The following PKP2 variants were observed in gnomAD, a reference collection of about 807,000 sequenced individuals.
PKP2 encodes the protein plakophilin 2.
Under a neutral mutation model 83.4 loss-of-function variants are expected in PKP2, and 73 were observed. That is an observed-to-expected ratio of 0.88 (90% CI 0.72 to 1.06). The LOEUF (loss-of-function observed/expected upper bound fraction) is 1.06. Ranked by LOEUF, PKP2 falls within the 50% of genes least tolerant of loss-of-function variation. The pLI, the probability that PKP2 is intolerant of heterozygous loss-of-function variation, is 0.00. For synonymous variants in PKP2, 409 were observed against 430.4 expected (o/e 0.95, Z 0.62); for missense variants, 966 against 1,065.4 (o/e 0.91, Z 1.30).
At position 32,886,300 on chromosome 12, in the gene PKP2, A is replaced by G. The variant is rs912670023; in HGVS notation, c.224-7268T>C. Among the ~76,000 whole-genome samples, 11 of 152,222 alleles carry G rather than the reference A, an allele frequency of 7.2e-5. No homozygotes were observed. In the East Asian group the frequency reaches 9.6e-4, roughly 13 times the overall value. ...AATCTTAAAAGATTTAACTTCTCCC[A>G]TTACAGTAAAGTTGAGGACATGTTA... On this transcript the variant is annotated intron_variant, in intron 1 of 12. Transcript: ENST00000340811.
intron 10 of PKP2, among the ~76,000 whole-genome samples, chr12:32,797,444 T>TGAAAAAAAAA (rs1956136670): frequency 2.0e-4 from 1 of 5,040 alleles, no homozygotes; most frequent in Non-Finnish European, 9.7e-4. Context: ...AGACCCTGTC[T>TGAAAAAAAAA]CAAAAAAAAA....
chr12:32,828,676 G>T (rs986896485), intron 6 of PKP2, among the ~76,000 whole-genome samples: 1 of 152,168 alleles, frequency 6.6e-6, no homozygotes, highest in African/African-American at 2.4e-5. Flanking sequence ...CTGTGGCTAT[G>T]TGCAGGGGTG....
chr12:32,824,237 T>C lies in PKP2; in HGVS notation c.1557-75A>G, dbSNP rs1480056607. On this transcript the variant is annotated intron_variant, in intron 6 of 12. Coordinates refer to ENST00000340811, the MANE Select transcript of PKP2 (RefSeq NM_001005242.3). ...ACAGGTCTTTGTTTTGAAGTTTTAC[T>C]TGATGCTTCTTCCAGGTGTTTGGAA... 5 of 1,001,866 alleles carry C rather than the reference T, an allele frequency of 5.0e-6. No homozygotes were observed. In the Admixed American group the frequency reaches 8.5e-5, roughly 17 times the overall value. The allele number at this position is 1,001,866 out of a possible 1,614,324, so 62.1% of individuals were successfully genotyped here. A position where few individuals can be genotyped will look rare whatever the true frequency, so the allele number is the denominator to read the frequency against.
Position 32,865,643 on chromosome 12 carries a change from G to A in PKP2, c.1170+3284C>T, listed in dbSNP as rs527960873. Among the ~76,000 whole-genome samples the A allele has an allele frequency of 4.3e-3, 594 of 136,604 alleles. 6 individuals carry two copies. The highest frequency in any genetic ancestry group is 0.016 in the African/African-American group (523 of 33,586). 89.6% of individuals were successfully genotyped at this position (136,604 alleles called of 152,430 possible). A position where few individuals can be genotyped will look rare whatever the true frequency, so the allele number is the denominator to read the frequency against. On this transcript the variant is annotated intron_variant, in intron 4 of 12. Coordinates refer to ENST00000340811, the MANE Select transcript of PKP2 (RefSeq NM_001005242.3). ...AGAGGCTGCAGTGAGGCAAGATTGC[G>A]CCACTGCATTCCTGTCTGGAACAGA...
At chr12:32,815,017 C>CT (rs1956307882) in intron 9 of PKP2, among the ~76,000 whole-genome samples, 1 of 151,682 alleles carries the variant, frequency 6.6e-6, no homozygotes, top group Non-Finnish European at 1.5e-5. Context: ...GTTCATTTAA[C>CT]TTTTTTCTTT....
In PKP2 at chr12:32,878,069, C is replaced by T. The variant is rs876657953; in HGVS notation, c.811G>A (p.Val271Ile). 5.0e-6 allele frequency: 8 copies of T among 1,614,072 alleles called. No homozygotes were observed. Among genetic ancestry groups the T allele is most frequent in the South Asian group, 1.1e-5 (1 of 91,078 alleles). Residue 271 changes from valine to isoleucine, a missense_variant, in exon 3 of 13, where the codon GTC becomes ATC. Coordinates refer to ENST00000340811, the MANE Select transcript of PKP2 (RefSeq NM_001005242.3). ...GGCTGCAGGGGCACCAGCGGCCTGA[C>T]CTGCCCGACAGTGAGCCCTGCCGTC... is the stretch of plus-strand genomic sequence containing the variant. ...YLTAGLTVGQ[V>I]RPLVPLQPVT...
intron 4 of PKP2, chr12:32,863,202 T>TTA (rs1047844253): frequency 4.3e-6 from 1 of 232,490 alleles, no homozygotes; most frequent in African/African-American, 2.3e-5. Flanking sequence ...TTAAAGGTGT[T>TTA]TATGCCCGAG....
At chr12:32,848,911 G>A (rs1956671786) in intron 5 of PKP2, among the ~76,000 whole-genome samples, 1 of 150,380 alleles carries the variant, frequency 6.6e-6, no homozygotes, top group Non-Finnish European at 1.5e-5. Context: ...GAAGCAGGTA[G>A]AAGAGCAAAA....
At chr12:32,893,622 C>T (rs1327832667) in intron 1 of PKP2, 1 of 152,134 alleles carries the variant, frequency 6.6e-6, no homozygotes, top group Non-Finnish European at 1.5e-5. Context: ...GTGTAGGCTG[C>T]AGAGTGTATT....
chr12:32,849,084 A>G (rs979724999), intron 5 of PKP2, among the ~76,000 whole-genome samples: 4 of 152,008 alleles, frequency 2.6e-5, no homozygotes, highest in African/African-American at 7.2e-5. Context: ...ATTGAGATAT[A>G]GCACCTGATA....
intron 4 of PKP2, among the ~76,000 whole-genome samples, chr12:32,856,429 T>C (rs1384956464): frequency 2.0e-5 from 3 of 151,826 alleles, no homozygotes; most frequent in African/African-American, 7.3e-5. Flanking sequence ...GAGGGAAAGA[T>C]GTGGGTAGAT....
chr12:32,798,588 C>T (rs1274922251), intron 10 of PKP2, among the ~76,000 whole-genome samples: 1 of 150,392 alleles, frequency 6.6e-6, no homozygotes, highest in African/African-American at 2.4e-5. Context: ...GAATAGAAAA[C>T]CCAGAAATAA....
chr12:32,792,162 C>T lies in PKP2; in HGVS notation c.*262G>A. ...TCCACATGAATTCACATTTTGATTC[C>T]AGGAAGCCATGTACCATAAGCCCTA... On this transcript the variant is annotated 3_prime_UTR_variant, in exon 13 of 13. Coordinates refer to ENST00000340811, the MANE Select transcript of PKP2 (RefSeq NM_001005242.3). The T allele has an allele frequency of 6.0e-6, 3 of 495,872 alleles. No homozygotes were observed. Among genetic ancestry groups the T allele is most frequent in the South Asian group, 2.3e-5 (1 of 43,868 alleles). 30.7% of individuals were successfully genotyped at this position (495,872 alleles called of 1,614,324 possible). A position where few individuals can be genotyped will look rare whatever the true frequency, so the allele number is the denominator to read the frequency against.
rs775572104 is a variant in PKP2 at position 32,792,434 on chromosome 12, A to C, written c.2504T>G (p.Leu835Arg). ...NSRTAKAYHS[L>R]KD ...ACTTTGTCATTTTCCTCAGTCTTTAAGGGAGTGGTAGGCTTTGGCAGTCCG... is the reference window on the plus strand; with the variant it reads ...ACTTTGTCATTTTCCTCAGTCTTTACGGGAGTGGTAGGCTTTGGCAGTCCG... The change falls in exon 13 of 13, where the codon CTT becomes CGT. Residue 835 changes from leucine to arginine, a missense_variant. Physicochemically the swap from Leu to Arg is moderately radical, Grantham distance 102 (BLOSUM62 -2). Transcript: ENST00000340811. The C allele has an allele frequency of 1.2e-6, 2 of 1,612,926 alleles. No homozygotes were observed. The highest frequency in any genetic ancestry group is 4.5e-5 in the East Asian group (2 of 44,878).
intron 4 of PKP2, among the ~76,000 whole-genome samples, chr12:32,857,284 G>C (rs937536825): frequency 6.6e-6 from 1 of 151,986 alleles, no homozygotes; most frequent in Non-Finnish European, 1.5e-5. Flanking sequence ...AAATTAGCTG[G>C]GCATAGTGGC....
intron 5 of PKP2, among the ~76,000 whole-genome samples, chr12:32,842,365 C>T (rs905518070): frequency 1.3e-5 from 2 of 152,098 alleles, no homozygotes; most frequent in African/African-American, 4.8e-5. Context: ...GCCTCAGCCT[C>T]CCAAGTAGCT....
intron 9 of PKP2, among the ~76,000 whole-genome samples, chr12:32,818,294 C>T (rs1168552029): frequency 6.6e-6 from 1 of 152,088 alleles, no homozygotes; most frequent in Non-Finnish European, 1.5e-5. Flanking sequence ...AAACCCGTCT[C>T]TACTATAAAT....
intron 7 of PKP2, 87 bp from the exon 8 acceptor site, chr12:32,822,718 C>G: frequency 2.1e-6 from 3 of 1,435,814 alleles, no homozygotes; most frequent in Non-Finnish European, 2.9e-6. Context: ...TTAGCTCTTA[C>G]AAGGTTTACC....
At chr12:32,848,474 A>G (rs1390620703) in intron 5 of PKP2, among the ~76,000 whole-genome samples, 1 of 152,216 alleles carries the variant, frequency 6.6e-6, no homozygotes, top group Non-Finnish European at 1.5e-5. Context: ...ACATAGTTTT[A>G]TAACATTAAA....
Sources: allele counts gnomAD v4.1 joint callset (sites outside exome capture counted in the v4.1 genomes callset), GRCh38; gene constraint gnomAD v4.1.1; transcripts MANE v1.5; gene names NCBI Gene and HGNC (gene_info 2026-07-23, HGNC 2026-07-21).